The following MED24 variants were observed in gnomAD, a reference collection of about 807,000 sequenced individuals.
MED24 encodes the protein mediator complex subunit 24, also known as mediator of RNA polymerase II transcription subunit 24.
In MED24, 74 loss-of-function variants were observed where a neutral mutation model predicts 118.8. That is an observed-to-expected ratio of 0.62 (90% CI 0.52 to 0.76). MED24 has a LOEUF of 0.76. MED24 is among the 30% of genes least tolerant of loss of function. MED24 has a pLI of 0.00. For synonymous variants in MED24, 521 were observed against 523.9 expected (o/e 0.99, Z 0.08); for missense variants, 1,041 against 1,278.9 (o/e 0.81, Z 2.84).
chr17:40,023,121 G>A lies in MED24; in HGVS notation c.2250+10C>T, dbSNP rs4247366. 0.066 allele frequency: 106,601 copies of A among 1,609,094 alleles called. 3,955 individuals carry two copies. Among genetic ancestry groups the A allele is most frequent in the Non-Finnish European group, 0.075 (88,407 of 1,176,488 alleles). On this transcript the variant is annotated intron_variant, in intron 20 of 25. Transcript: ENST00000394128. The stretch of plus-strand genomic sequence containing the variant: ...CCCATGTCGGCCCACAGCCACTCCA[G>A]CCCAAGTACCTTAATCAGGTTGTTG...
At chr17:40,022,123 C>A in intron 22 of MED24, 69 bp from the exon 23 acceptor site, 2 of 1,267,494 alleles carry the variant, frequency 1.6e-6, no homozygotes, top group Non-Finnish European at 2.2e-6. Context: ...GGGAAAAGAG[C>A]TTGAGCTCCG....
chr17:40,032,257 A>G, intron 9 of MED24, 167 bp from the exon 10 acceptor site: 3 of 753,466 alleles, frequency 4.0e-6, no homozygotes, highest in Non-Finnish European at 6.5e-6. Flanking sequence ...ATAGGTGCCC[A>G]GGCCCCTGAT....
intron 3 of MED24, among the ~76,000 whole-genome samples, chr17:40,046,624 T>C (rs936660686): frequency 1.3e-5 from 2 of 149,086 alleles, no homozygotes; most frequent in Admixed American, 1.3e-4. Flanking sequence ...CGGGCGCCTG[T>C]AGTCCCAGCT....
chr17:40,038,246 C>T (rs1031150738), intron 3 of MED24, among the ~76,000 whole-genome samples: 2 of 152,146 alleles, frequency 1.3e-5, no homozygotes, highest in Non-Finnish European at 2.9e-5. Context: ...ACAATAGGTC[C>T]TCAGGAAGTT....
chr17:40,021,093 A>T (rs1981933613), intron 23 of MED24: 1 of 153,116 alleles, frequency 6.5e-6, no homozygotes, highest in African/African-American at 2.4e-5. Context: ...ACAAACAAAC[A>T]AACAAAAAAC....
chr17:40,020,310 G>A lies in MED24; in HGVS notation c.2667C>T (p.His889=). ...MSSSLSASQL[H]TVNMRDPLNR... ...TCAGAGGGTCCCGCATGTTGACCGT[G>A]TGGAGCTGAGAGGCTGAGAGGGAGC... Residue 889 remains histidine (H), a synonymous_variant, in exon 24 of 26, where the codon CAC becomes CAT. Coordinates refer to ENST00000394128, the MANE Select transcript of MED24 (RefSeq NM_014815.4). 3 of 1,591,420 alleles carry A rather than the reference G, an allele frequency of 1.9e-6. No homozygotes were observed. Among genetic ancestry groups the A allele is most frequent in the Non-Finnish European group, 2.6e-6 (3 of 1,169,094 alleles).
rs868238242 is a variant in MED24 at position 40,019,662 on chromosome 17, G to A, written c.2854-17C>T. 3 of 1,585,216 alleles carry A rather than the reference G, an allele frequency of 1.9e-6. No individual in the cohort carries two copies. In the South Asian group the frequency reaches 3.4e-5, roughly 18 times the overall value. ...TTCCGACACCTGCCACGGACAGACA[G>A]ATGCTGCTTGCGGGACGGCTGGTGG... On this transcript the variant is annotated splice_polypyrimidine_tract_variant and intron_variant, in intron 25 of 25. Transcript: ENST00000394128.
intron 3 of MED24, among the ~76,000 whole-genome samples, chr17:40,043,697 G>C (rs931950479): frequency 4.0e-5 from 6 of 151,602 alleles, no homozygotes; most frequent in Non-Finnish European, 8.8e-5. Context: ...GACCATCCTG[G>C]CTAACACTTT....
Position 40,035,728 on chromosome 17 carries a change from C to T in MED24, c.320G>A (p.Arg107His), listed in dbSNP as rs752728877. The part of the protein sequence containing the change: ...LLDIMDMFCD[R>H]LSCHGKAEEC... ...CCCTTACCCCTGCCCTTACCTCAGA[C>T]GGTCACAAAACATGTCCATGATGTC... Residue 107 changes from arginine (R) to histidine (H), a missense_variant, in exon 5 of 26, where the codon CGT (arginine) becomes CAT (histidine). By Grantham distance (29) the Arg-to-His change is conservative. This residue lies in a region of MED24 where 434 missense variants were observed against 514.9 expected (regional missense o/e 0.84). Coordinates refer to ENST00000394128, the MANE Select transcript of MED24 (RefSeq NM_014815.4). 3 of 1,613,770 alleles carry T rather than the reference C, an allele frequency of 1.9e-6. No homozygotes were observed. Among genetic ancestry groups the T allele is most frequent in the Non-Finnish European group, 2.5e-6 (3 of 1,179,854 alleles).
chr17:40,036,149 C>T lies in MED24; in HGVS notation c.219G>A (p.Val73=), dbSNP rs746490523. ...TGGCTGTGAGGACAGAAGAGTAGGA[C>T]ACCATCTGGAGAGAAGGAAGAAAGA... The part of the protein sequence containing the change: ...YLKYAISSQM[V]SYSSVLTAIS... The change falls in exon 4 of 26, where the codon GTG becomes GTA. Residue 73 remains valine (V), a synonymous_variant. Transcript: ENST00000394128. 14 of 1,611,214 alleles carry T rather than the reference C, an allele frequency of 8.7e-6. No individual in the cohort carries two copies. Among genetic ancestry groups the T allele is most frequent in the African/African-American group, 2.7e-5 (2 of 74,932 alleles).
At position 40,026,406 on chromosome 17, in the gene MED24, C is replaced by A. The variant is rs530105474; in HGVS notation, c.1810-75G>T. The A allele has an allele frequency of 1.1e-5, 17 of 1,553,446 alleles. No homozygotes were observed. The African/African-American group carries it at 2.2e-4, about 20-fold the overall frequency. ...GCCAACATCACCTTCTCAGCCTCTGCGGGCAGCTAAGTGCAGCGGGTGGAG... is the reference window on the plus strand; with the variant it reads ...GCCAACATCACCTTCTCAGCCTCTGAGGGCAGCTAAGTGCAGCGGGTGGAG... On this transcript the variant is annotated intron_variant, in intron 18 of 25. Coordinates refer to ENST00000394128, the MANE Select transcript of MED24 (RefSeq NM_014815.4).
intron 3 of MED24, among the ~76,000 whole-genome samples, chr17:40,038,167 G>A (rs1984162589): frequency 6.6e-6 from 1 of 152,050 alleles, no homozygotes. Context: ...TGAACAGTAA[G>A]TTCCCAGAGG....
rs369140748 is a variant in MED24 at position 40,052,683 on chromosome 17, C to G, written c.213+615G>C. Among the ~76,000 whole-genome samples, 5 of 152,034 alleles carry G rather than the reference C, an allele frequency of 3.3e-5. No homozygotes were observed. The East Asian group carries it at 9.7e-4, about 29-fold the overall frequency. ...GTGGCACAATCAGTGCTCACTGTAG[C>G]CTCAAACTCCTGGGCTCAAGCAAGC... On this transcript the variant is annotated intron_variant, in intron 3 of 25. Transcript: ENST00000394128.
chr17:40,031,104 T>G (rs1479112131), intron 12 of MED24, 55 bp downstream of exon 12: 1 of 1,509,470 alleles, frequency 6.6e-7, no homozygotes, highest in Non-Finnish European at 9.0e-7. Context: ...AGCCCCACCG[T>G]AACAAGAGAG....
intron 3 of MED24, among the ~76,000 whole-genome samples, chr17:40,048,099 G>A (rs1388439097): frequency 2.6e-5 from 4 of 152,246 alleles, no homozygotes; most frequent in African/African-American, 4.8e-5. Context: ...GTCATGTGAC[G>A]CCTCCACTTA....
rs529628970 is a variant in MED24 at position 40,033,631 on chromosome 17, G to A, written c.560-175C>T. ...GGGCAGCATGCACTGTTTCCAGAAG[G>A]GGGGTGGGCACCTAGAGCTGGAAAC... On this transcript the variant is annotated intron_variant, in intron 6 of 25. Transcript: ENST00000394128. The surrounding 1 kb of genome is among the most constrained non-coding windows in gnomAD (Gnocchi z 5.2). The A allele has an allele frequency of 8.5e-6, 6 of 703,690 alleles. No homozygotes were observed. Among genetic ancestry groups the A allele is most frequent in the African/African-American group, 3.5e-5 (2 of 57,202 alleles). The allele number at this position is 703,690 out of a possible 1,614,324, so 43.6% of individuals were successfully genotyped here.
At chr17:40,027,857 C>T in intron 15 of MED24, 52 bp downstream of exon 15, 1 of 1,590,156 alleles carries the variant, frequency 6.3e-7, no homozygotes, top group Non-Finnish European at 8.6e-7. Context: ...ACTCTCCCGC[C>T]ACACCCCTCC....
At position 40,028,883 on chromosome 17, in the gene MED24, AG is replaced by A. The variant is rs769245776; in HGVS notation, c.1351del (p.Leu451CysfsTer11). 1 of 1,614,042 alleles carries A rather than the reference AG, an allele frequency of 6.2e-7. No homozygotes were observed. The highest frequency in any genetic ancestry group is 1.3e-5 in the African/African-American group (1 of 74,936). On this transcript the variant is annotated frameshift_variant, in exon 14 of 26. Transcript: ENST00000394128. LOFTEE classifies it high-confidence loss of function. ...HMLSGKSLDL[L>X]LAAAAATGKL... ...TCCAGTGGCGGCGGCGGCAGCCAGC[AG>A]CAAGTCCAGACTCTTCCCGGACAGC...
Position 40,026,867 on chromosome 17 carries a change from C to T in MED24, c.1698G>A (p.Glu566=). 1 of 1,613,198 alleles carries T rather than the reference C, an allele frequency of 6.2e-7. No homozygotes were observed. Among genetic ancestry groups the T allele is most frequent in the Non-Finnish European group, 8.5e-7 (1 of 1,179,442 alleles). The part of the protein sequence containing the change: ...SLVALLNNSS[E]MKLVQMKWHE... ...CCCGGGCCACTGACACTAGCTTCAT[C>T]TCCGAGGAGTTGTTGAGCAGGGCCA... The change falls in exon 17 of 26, where the codon GAG becomes GAA. Residue 566 remains glutamate (E), a synonymous_variant. Transcript: ENST00000394128.
Sources: allele counts gnomAD v4.1 joint callset (sites outside exome capture counted in the v4.1 genomes callset), GRCh38; gene constraint gnomAD v4.1.1; regional missense constraint gnomAD v4.1.1; non-coding constraint Gnocchi (gnomAD v3.1); transcripts MANE v1.5; gene names NCBI Gene and HGNC (gene_info 2026-07-23, HGNC 2026-07-21).